RSAD2: variants seen among roughly 807,000 people sequenced by gnomAD.
RSAD2 encodes the protein radical S-adenosyl methionine domain containing 2, also known as S-adenosylmethionine-dependent nucleotide dehydratase RSAD2.
A neutral mutation model predicts 37.7 loss-of-function variants in RSAD2; 38 were observed. That is an observed-to-expected ratio of 1.01 (90% CI 0.78 to 1.32). The LOEUF is 1.32. Among genes scored for constraint, RSAD2 ranks in the 40% most tolerant of loss-of-function variants. The pLI is 0.00. For missense variants in RSAD2, 428 were observed against 437.5 expected (o/e 0.98, Z 0.19); for synonymous variants, 163 against 157.4 (o/e 1.04, Z -0.27).
chr2:6,880,743 G>C (rs1292269744), intron 1 of RSAD2, among the ~76,000 whole-genome samples: 1 of 152,070 alleles, frequency 6.6e-6, no homozygotes, highest in East Asian at 1.9e-4. Context: ...GGTGGTGTTT[G>C]TCTGAGATGA....
chr2:6,888,070 A>G (rs1663558012), intron 3 of RSAD2, among the ~76,000 whole-genome samples: 1 of 152,234 alleles, frequency 6.6e-6, no homozygotes, highest in Admixed American at 6.5e-5. Flanking sequence ...GAATTTTCGT[A>G]GGTGGCAAAG....
At position 6,878,098 on chromosome 2, in the gene RSAD2, C is replaced by G. The variant is rs1176957100; in HGVS notation, c.298C>G (p.Leu100Val). ...CCACACAGCCAAAACATCCTTTGTG[C>G]TGCCCCTTGAGGAAGCAAAGAGAGG... ...CFHTAKTSFV[L>V]PLEEAKRGLL... is the part of the protein sequence containing the mutation. Residue 100 changes from leucine to valine, a missense_variant, in exon 1 of 6, where the codon CTG becomes GTG. Transcript: ENST00000382040. The G allele has an allele frequency of 6.2e-7, 1 of 1,614,146 alleles. No individual in the cohort carries two copies. Among genetic ancestry groups the G allele is most frequent in the Non-Finnish European group, 8.5e-7 (1 of 1,180,008 alleles).
chr2:6,876,236 C>T (rs535097931), upstream of RSAD2, among the ~76,000 whole-genome samples: 6 of 152,224 alleles, frequency 3.9e-5, no homozygotes, highest in South Asian at 2.1e-4. Flanking sequence ...TATTTCCAGC[C>T]GGCTTCCCCT....
chr2:6,870,558 A>C (rs1239072074), intron 1 of RSAD2, among the ~76,000 whole-genome samples: 2 of 152,166 alleles, frequency 1.3e-5, no homozygotes, highest in African/African-American at 4.8e-5. Context: ...CATCTATTGG[A>C]ACCTCAAAGA....
upstream of RSAD2, among the ~76,000 whole-genome samples, chr2:6,872,967 G>C (rs1332688675): frequency 6.6e-6 from 1 of 152,028 alleles, no homozygotes; most frequent in Non-Finnish European, 1.5e-5. Flanking sequence ...TCTGTTTCTG[G>C]CATATTTCCT....
At chr2:6,890,546 C>T (rs185205141) in intron 4 of RSAD2, among the ~76,000 whole-genome samples, 7 of 152,184 alleles carry the variant, frequency 4.6e-5, no homozygotes, top group South Asian at 2.1e-4. Context: ...TCTCTATCCA[C>T]GATGGATAGA....
upstream of RSAD2, among the ~76,000 whole-genome samples, chr2:6,873,736 C>T (rs1024188333): frequency 6.6e-6 from 1 of 152,142 alleles, no homozygotes; most frequent in Admixed American, 6.5e-5. Context: ...CAGGTTTCCT[C>T]AATATCAAAA....
upstream of RSAD2, chr2:6,876,620 G>A (rs1663286320): frequency 6.6e-6 from 1 of 152,130 alleles, no homozygotes; most frequent in Admixed American, 6.5e-5. Flanking sequence ...TGAATATTTG[G>A]TAATCATTAA....
At chr2:6,883,638 G>A in intron 2 of RSAD2, 106 bp downstream of exon 2, 1 of 1,313,878 alleles carries the variant, frequency 7.6e-7, no homozygotes, top group Non-Finnish European at 1.0e-6. Flanking sequence ...CTGAGGAACT[G>A]GAAGGGAGGA....
rs1258495440 is a variant in RSAD2, at chr2:6,883,378, G to T, written c.354G>T (p.Glu118Asp). ...GLLLLKEAGMEKINFSGGEPF... is the reference protein window; with the variant it reads ...GLLLLKEAGMDKINFSGGEPF... ...ATGTATCACCTTGCACAGGTATGGA[G>T]AAGATCAACTTTTCAGGTGGAGAGC... Residue 118 changes from glutamate (E) to aspartate (D), a missense_variant, in exon 2 of 6, where the codon GAG becomes GAT. Glu to Asp is a conservative substitution (Grantham distance 45). Coordinates refer to ENST00000382040, the MANE Select transcript of RSAD2 (RefSeq NM_080657.5). The T allele has an allele frequency of 6.2e-7, 1 of 1,614,188 alleles. No homozygotes were observed. The highest frequency in any genetic ancestry group is 1.7e-5 in the Admixed American group (1 of 60,028).
chr2:6,874,114 G>T (rs76671072), upstream of RSAD2, among the ~76,000 whole-genome samples: 1,349 of 152,222 alleles, frequency 8.9e-3, 9 homozygotes, highest in African/African-American at 0.031. Flanking sequence ...GTTTAAAAGT[G>T]TGTAGCGCCT....
intron 2 of RSAD2, among the ~76,000 whole-genome samples, chr2:6,886,091 G>A (rs1663513082): frequency 6.6e-6 from 1 of 152,188 alleles, no homozygotes; most frequent in African/African-American, 2.4e-5. Flanking sequence ...AAGAAAAAGA[G>A]TCGACTCTTA....
intron 1 of RSAD2, among the ~76,000 whole-genome samples, chr2:6,882,851 GACAA>G (rs1432487814): frequency 6.6e-6 from 1 of 152,170 alleles, no homozygotes; most frequent in Non-Finnish European, 1.5e-5. Flanking sequence ...GTGATACCTG[GACAA>G]ACAATTGATC....
intron 4 of RSAD2, among the ~76,000 whole-genome samples, chr2:6,891,080 T>C (rs1312927028): frequency 6.6e-6 from 1 of 152,088 alleles, no homozygotes; most frequent in Non-Finnish European, 1.5e-5. Context: ...TATGTTAACA[T>C]GATATACTGA....
chr2:6,880,897 C>T, intron 1 of RSAD2, among the ~76,000 whole-genome samples: 1 of 151,860 alleles, frequency 6.6e-6, no homozygotes, highest in East Asian at 1.9e-4. Context: ...TATTTACTTT[C>T]CTGGCTTTTA....
At chr2:6,887,747 A>G (rs1045373450) in intron 3 of RSAD2, among the ~76,000 whole-genome samples, 1 of 152,254 alleles carries the variant, frequency 6.6e-6, no homozygotes, top group African/African-American at 2.4e-5. Context: ...GCTCGTCAGA[A>G]GCAAATCAGG....
intron 5 of RSAD2, among the ~76,000 whole-genome samples, chr2:6,894,583 C>T (rs1210001780): frequency 6.6e-6 from 1 of 152,182 alleles, no homozygotes; most frequent in Non-Finnish European, 1.5e-5. Flanking sequence ...CCTTCTGCCT[C>T]AGCCTCCCAG....
chr2:6,869,292 C>G (rs1427233986), intron 1 of RSAD2, among the ~76,000 whole-genome samples: 1 of 152,112 alleles, frequency 6.6e-6, no homozygotes, highest in Non-Finnish European at 1.5e-5. Context: ...CTAACATGCT[C>G]CTGAGTCTTA....
At chr2:6,895,077 G>A (rs1663712729) in intron 5 of RSAD2, among the ~76,000 whole-genome samples, 1 of 148,146 alleles carries the variant, frequency 6.8e-6, no homozygotes, top group Admixed American at 6.7e-5. Flanking sequence ...CTCAGTGTAG[G>A]TCGTAAGGAG....
Sources: gnomAD v4.1 joint callset for allele counts (sites outside exome capture counted in the v4.1 genomes callset) on GRCh38, gnomAD v4.1.1 for gene constraint, MANE v1.5 for transcripts, NCBI Gene and HGNC (gene_info 2026-07-23, HGNC 2026-07-21) for gene names.